Variants in LZTFL1 observed in about 807,000 individuals in gnomAD.
LZTFL1 encodes the protein leucine zipper transcription factor like 1.
Under a neutral mutation model 45.9 loss-of-function variants are expected in LZTFL1, and 25 were observed. That is an observed-to-expected ratio of 0.54 (90% confidence interval 0.40 to 0.76). The LOEUF (loss-of-function observed/expected upper bound fraction) is 0.76, where lower values mean the gene tolerates loss of function less well. Among genes scored for constraint, LZTFL1 ranks in the 30% least tolerant of loss-of-function variants. The pLI, the probability that LZTFL1 is intolerant of heterozygous loss-of-function variation, is 0.00. For synonymous variants in LZTFL1, 93 were observed against 117.4 expected, an observed-to-expected ratio of 0.79 and a Z score of 1.35; for missense variants, 277 against 331.1, an observed-to-expected ratio of 0.84 and a Z score of 1.27.
chr3:45,911,316 C>T (rs1307384583), intron 2 of LZTFL1, among the ~76,000 whole-genome samples: 1 of 152,230 alleles, frequency 6.6e-6, no homozygotes, highest in Non-Finnish European at 1.5e-5. Context: ...CTCGGTCCCC[C>T]AACTTGACTA....
At position 45,825,244 on chromosome 3, in the gene LZTFL1, T is replaced by C. The variant is rs1220671418; in HGVS notation, c.*1070A>G. The C allele has an allele frequency of 1.0e-5, 2 of 194,958 alleles. No homozygotes were observed. The highest frequency in any genetic ancestry group is 2.1e-5 in the Non-Finnish European group (2 of 96,800). The allele number at this position is 194,958 out of a possible 1,614,324, so 12.1% of individuals were successfully genotyped here. A position where few individuals can be genotyped will look rare whatever the true frequency, so the allele number is the denominator to read the frequency against. ...AGCAGGAAAAATTACTAAATATTAA[T>C]ATGTGAAAAGTAAGGACTTTCCTTC... is the stretch of plus-strand genomic sequence containing the variant. On this transcript the variant is annotated 3_prime_UTR_variant, in exon 10 of 10. Coordinates refer to ENST00000296135, the MANE Select transcript of LZTFL1 (RefSeq NM_020347.4).
chr3:45,844,389 G>GA (rs1208298804), upstream of LZTFL1, among the ~76,000 whole-genome samples: 1 of 152,094 alleles, frequency 6.6e-6, no homozygotes, highest in African/African-American at 2.4e-5. Context: ...ATTTTGGGGG[G>GA]ATGCAGGGGG....
chr3:45,889,058 T>G (rs1461137198), intron 2 of LZTFL1, among the ~76,000 whole-genome samples: 1 of 152,242 alleles, frequency 6.6e-6, no homozygotes, highest in African/African-American at 2.4e-5. Flanking sequence ...CAATGTTAGC[T>G]CACTTCAGCC....
Position 45,835,801 on chromosome 3 carries a change from A to T in LZTFL1, c.129-17T>A. 6.4e-7 allele frequency: 1 copy of T among 1,557,752 alleles called. No individual in the cohort carries two copies. The highest frequency in any genetic ancestry group is 8.7e-7 in the Non-Finnish European group (1 of 1,147,126). ...TCCACCAGCCTGAAAAACAACCATG[A>T]TCCAAAACTTATAGAAAAACAACAA... On this transcript the variant is annotated splice_polypyrimidine_tract_variant and intron_variant, in intron 2 of 9. Coordinates refer to ENST00000296135, the MANE Select transcript of LZTFL1 (RefSeq NM_020347.4).
rs1033412944 is a variant in LZTFL1 at position 45,824,751 on chromosome 3, T to C, written c.*1563A>G. On this transcript the variant is annotated 3_prime_UTR_variant, in exon 10 of 10. Coordinates refer to ENST00000296135, the MANE Select transcript of LZTFL1 (RefSeq NM_020347.4). ...TTCTGAATTACATAGAACATCTTGGTCCACAGACAATGGAATGGATTTTTG... is the reference window on the plus strand; with the variant it reads ...TTCTGAATTACATAGAACATCTTGGCCCACAGACAATGGAATGGATTTTTG... 1 of 398,038 alleles carries C rather than the reference T, an allele frequency of 2.5e-6. No individual in the cohort carries two copies. The highest frequency in any genetic ancestry group is 2.1e-5 in the African/African-American group (1 of 48,678). 24.7% of individuals were successfully genotyped at this position (398,038 alleles called of 1,614,324 possible).
intron 1 of LZTFL1, among the ~76,000 whole-genome samples, chr3:45,914,311 G>T (rs1702855574): frequency 6.6e-6 from 1 of 150,760 alleles, no homozygotes; most frequent in Non-Finnish European, 1.5e-5. Context: ...TTTTGAGACA[G>T]GGTCTCACTC....
At chr3:45,884,121 C>T (rs1296036378) in intron 2 of LZTFL1, 1 of 157,642 alleles carries the variant, frequency 6.3e-6, no homozygotes, top group Non-Finnish European at 1.4e-5. Flanking sequence ...CATCTCTTCC[C>T]TCAGAGTATG....
intron 5 of LZTFL1, among the ~76,000 whole-genome samples, chr3:45,832,151 G>A (rs1700841625): frequency 6.6e-6 from 1 of 152,040 alleles, no homozygotes; most frequent in Non-Finnish European, 1.5e-5. Context: ...AACCCGGGAG[G>A]TGGAGCTTGG....
intron 2 of LZTFL1, among the ~76,000 whole-genome samples, chr3:45,881,439 T>A (rs1237795537): frequency 6.6e-6 from 1 of 152,188 alleles, no homozygotes; most frequent in Non-Finnish European, 1.5e-5. Flanking sequence ...GAGGGGCACT[T>A]GGCCATGTCT....
chr3:45,841,598 A>ATG (rs370563610), intron 1 of LZTFL1: 4 of 263,270 alleles, frequency 1.5e-5, no homozygotes, highest in Non-Finnish European at 3.0e-5. Context: ...GTATGTGTTA[A>ATG]TGTGTGTGTG....
At chr3:45,870,826 T>A (rs1701660124) in intron 2 of LZTFL1, among the ~76,000 whole-genome samples, 1 of 152,236 alleles carries the variant, frequency 6.6e-6, no homozygotes. Flanking sequence ...TTCCAGGAGC[T>A]AAGCACTGTG....
intron 2 of LZTFL1, 62 bp downstream of exon 2, chr3:45,837,865 A>G (rs1701005321): frequency 6.6e-7 from 1 of 1,524,016 alleles, no homozygotes; most frequent in Non-Finnish European, 8.8e-7. Context: ...TGGCACCCCC[A>G]TACTGGCTAC....
At chr3:45,857,879 A>C (rs1448657498) in intron 3 of LZTFL1, among the ~76,000 whole-genome samples, 2 of 152,160 alleles carry the variant, frequency 1.3e-5, no homozygotes, top group Non-Finnish European at 2.9e-5. Flanking sequence ...TATATTGACA[A>C]GTCATTATCA....
intron 2 of LZTFL1, among the ~76,000 whole-genome samples, chr3:45,862,269 G>C (rs1180989391): frequency 6.6e-6 from 1 of 152,194 alleles, no homozygotes. Flanking sequence ...TCCTCCATCT[G>C]TACCAGCCAG....
intron 4 of LZTFL1, among the ~76,000 whole-genome samples, chr3:45,851,840 A>T (rs1466504002): frequency 6.7e-6 from 1 of 148,874 alleles, no homozygotes; most frequent in Admixed American, 6.7e-5. Flanking sequence ...CCTGTCTCTC[A>T]TTTTTTTTTT....
intron 4 of LZTFL1, among the ~76,000 whole-genome samples, chr3:45,847,783 A>G (rs912475515): frequency 1.3e-5 from 2 of 152,242 alleles, no homozygotes; most frequent in Non-Finnish European, 2.9e-5. Context: ...TGCACAAAAC[A>G]TTGGAGTTAG....
chr3:45,853,466 C>A (rs1288274996), intron 4 of LZTFL1, among the ~76,000 whole-genome samples: 2 of 152,134 alleles, frequency 1.3e-5, no homozygotes, highest in South Asian at 2.1e-4. Flanking sequence ...ATATAGAGAG[C>A]AAAATTATTA....
At position 45,828,574 on chromosome 3, in the gene LZTFL1, A is replaced by T. The variant is rs1237909600; in HGVS notation, c.642T>A (p.Thr214=). 3.7e-6 allele frequency: 6 copies of T among 1,614,070 alleles called. No individual in the cohort carries two copies. The highest frequency in any genetic ancestry group is 4.2e-6 in the Non-Finnish European group (5 of 1,180,012). The part of the protein sequence containing the change: ...KAQDLSNLEN[T]VAALKSEFQK... ...GAAACTCACTCTTTAAGGCAGCGAC[A>T]GTGTTTTCTAAGTTACTTAAGTCTT... Residue 214 remains threonine (T), a synonymous_variant, in exon 8 of 10, where the codon ACT becomes ACA. Coordinates refer to ENST00000296135, the MANE Select transcript of LZTFL1 (RefSeq NM_020347.4).
At position 45,827,415 on chromosome 3, in the gene LZTFL1, C is replaced by T; in HGVS notation, c.822G>A (p.Met274Ile). 6.2e-7 allele frequency: 1 copy of T among 1,613,892 alleles called. No individual in the cohort carries two copies. The highest frequency in any genetic ancestry group is 8.5e-7 in the Non-Finnish European group (1 of 1,179,864). ...KFQQTAAYRN[M>I]KEILTKKNDQ... ...CATTCTTCTTGGTAAGAATCTCTTTCATGTTTCGATAAGCTGCTGTTTGCT... is the reference window on the plus strand; with the variant it reads ...CATTCTTCTTGGTAAGAATCTCTTTTATGTTTCGATAAGCTGCTGTTTGCT... Residue 274 changes from methionine (M) to isoleucine (I), a missense_variant, in exon 9 of 10, where the codon ATG becomes ATA. Physicochemically the swap from Met to Ile is conservative, Grantham distance 10 (BLOSUM62 1). Transcript: ENST00000296135.
Sources: allele counts gnomAD v4.1 joint callset (sites outside exome capture counted in the v4.1 genomes callset), GRCh38; gene constraint gnomAD v4.1.1; transcripts MANE v1.5; gene names NCBI Gene and HGNC (gene_info 2026-07-23, HGNC 2026-07-21).